Variants in TRIL observed in about 807,000 individuals in gnomAD.
TRIL encodes TLR4 interactor with leucine rich repeats.
A neutral mutation model predicts 43.0 loss-of-function variants in TRIL; 23 were observed. The ratio of observed to expected loss-of-function variants is 0.54; its 90% CI spans 0.39 to 0.76. The LOEUF (loss-of-function observed/expected upper bound fraction) is 0.76. Ranked by LOEUF, TRIL falls within the 30% of genes least tolerant of loss-of-function variation. The pLI, the probability that TRIL is intolerant of heterozygous loss-of-function variation, is 0.00. For synonymous variants in TRIL, 602 were observed against 556.8 expected (o/e 1.08, Z -1.14); for missense variants, 1,114 against 1,139.3 (o/e 0.98, Z 0.32).
In TRIL at chr7:28,955,668, G is replaced by A; in HGVS notation, c.2379C>T (p.Gly793=). Residue 793 remains glycine (G), a synonymous_variant, in exon 1 of 1, where the codon GGC becomes GGT. Coordinates refer to ENST00000539664, the MANE Select transcript of TRIL (RefSeq NM_014817.4). The part of the protein sequence containing the change: ...PCDRFMDSAG[G]GAGGSLRRED... ...CCCGTCTCAGGCTGCCGCCCGCGCC[G>A]CCGCCCGCACTGTCCATGAAGCGGT... is the stretch of plus-strand genomic sequence containing the variant. The A allele has an allele frequency of 1.9e-6, 3 of 1,547,944 alleles. No individual in the cohort carries two copies. Among genetic ancestry groups the A allele is most frequent in the Non-Finnish European group, 2.6e-6 (3 of 1,146,582 alleles).
At position 28,956,797 on chromosome 7, in the gene TRIL, G is replaced by T; in HGVS notation, c.1250C>A (p.Pro417His). 1 of 1,611,574 alleles carries T rather than the reference G, an allele frequency of 6.2e-7. No individual in the cohort carries two copies. The highest frequency in any genetic ancestry group is 8.5e-7 in the Non-Finnish European group (1 of 1,179,366). ...AGCGGTCAGGGAAGCTGAGGGCGAG[G>T]GATCCGCGCAGGATCCATTTTGCAG... ...QQLQNGSCAD[P>H]SPSASLTADR... is the part of the protein sequence containing the mutation. The change falls in exon 1 of 1, where the codon CCC (proline) becomes CAC (histidine). Residue 417 changes from proline (P) to histidine (H), a missense_variant. Pro to His is a moderately conservative substitution (Grantham distance 77). Coordinates refer to ENST00000539664, the MANE Select transcript of TRIL (RefSeq NM_014817.4).
Position 28,957,307 on chromosome 7 carries a change from C to T in TRIL, c.740G>A (p.Arg247His), listed in dbSNP as rs369164887. The change falls in exon 1 of 1, where the codon CGC (arginine) becomes CAC (histidine). Residue 247 changes from arginine to histidine, a missense_variant. Coordinates refer to ENST00000539664, the MANE Select transcript of TRIL (RefSeq NM_014817.4). ...SANNLQHLGP[R>H]IFQHLPRLGL... ...GAGACGTGGCAGGTGCTGGAAGATG[C>T]GCGGCCCGAGGTGCTGCAGGTTGTT... 10 of 1,610,930 alleles carry T rather than the reference C, an allele frequency of 6.2e-6. No homozygotes were observed. The highest frequency in any genetic ancestry group is 8.5e-6 in the Non-Finnish European group (10 of 1,179,174).
chr7:28,957,186 A>G lies in TRIL; in HGVS notation c.861T>C (p.Asn287=), dbSNP rs1562703481. The change falls in exon 1 of 1, where the codon AAT becomes AAC. Residue 287 remains asparagine, a synonymous_variant. Coordinates refer to ENST00000539664, the MANE Select transcript of TRIL (RefSeq NM_014817.4). ...EALRELRLEG[N]RLSQLPTALL... ...GCGCAGTTGGCAGCTGGCTCAGCCG[A>G]TTACCCTCCAGGCGCAGCTCGCGCA... The G allele has an allele frequency of 6.3e-7, 1 of 1,598,752 alleles. No homozygotes were observed. The highest frequency in any genetic ancestry group is 2.2e-5 in the East Asian group (1 of 44,524).
In TRIL at chr7:28,955,978, C is replaced by G; in HGVS notation, c.2069G>C (p.Arg690Pro). 6.4e-7 allele frequency: 1 copy of G among 1,551,480 alleles called. No homozygotes were observed. Among genetic ancestry groups the G allele is most frequent in the Non-Finnish European group, 8.7e-7 (1 of 1,153,000 alleles). Residue 690 changes from arginine (R) to proline (P), a missense_variant, in exon 1 of 1, where the codon CGG becomes CCG. Arg to Pro is a moderately radical substitution (Grantham distance 103, BLOSUM62 -2). Coordinates refer to ENST00000539664, the MANE Select transcript of TRIL (RefSeq NM_014817.4). The stretch of plus-strand genomic sequence containing the variant: ...CAGCAGCTGGTAGTCGACGCCGCCC[C>G]GGCTCCCGGCCTCCGGTAGGGTGAC... ...GLVTLPEAGS[R>P]GGVDYQLLTL...
At position 28,957,960 on chromosome 7, in the gene TRIL, C is replaced by A. The variant is rs1426841359; in HGVS notation, c.87G>T (p.Glu29Asp). 1.9e-6 allele frequency: 3 copies of A among 1,605,842 alleles called. No homozygotes were observed. The highest frequency in any genetic ancestry group is 2.5e-6 in the Non-Finnish European group (3 of 1,179,620). ...LPPLAEPVCP[E>D]RCDCQHPQHL... is the part of the protein sequence containing the mutation. ...GCTGGGGATGCTGGCAGTCGCAGCGCTCCGGGCACACGGGCTCGGCCAGCG... is the reference window on the plus strand; with the variant it reads ...GCTGGGGATGCTGGCAGTCGCAGCGATCCGGGCACACGGGCTCGGCCAGCG... Residue 29 changes from glutamate to aspartate, a missense_variant, in exon 1 of 1, where the codon GAG becomes GAT. Physicochemically the swap from Glu to Asp is conservative, Grantham distance 45. Coordinates refer to ENST00000539664, the MANE Select transcript of TRIL (RefSeq NM_014817.4).
rs2128114566 is a variant in TRIL, at chr7:28,957,664, GC to G, written c.382del (p.Ala128ProfsTer19). ...GAGGATGCGCAGCTTGCGCAGCGGG[GC>G]CAGCGTGCCCGGGGCGAGCGCCTGC... ...LLQALAPGTL[A>X]PLRKLRILYA... is the part of the protein sequence containing the mutation. On this transcript the variant is annotated frameshift_variant, in exon 1 of 1. Coordinates refer to ENST00000539664, the MANE Select transcript of TRIL (RefSeq NM_014817.4). LOFTEE classifies it high-confidence loss of function. The G allele has an allele frequency of 1.2e-6, 2 of 1,609,450 alleles. No individual in the cohort carries two copies. Among genetic ancestry groups the G allele is most frequent in the Admixed American group, 1.7e-5 (1 of 59,180 alleles).
Position 28,953,402 on chromosome 7 carries a change from G to A in TRIL, c.*2209C>T, listed in dbSNP as rs1783352239. On this transcript the variant is annotated 3_prime_UTR_variant, in exon 1 of 1. Transcript: ENST00000539664. The stretch of plus-strand genomic sequence containing the variant: ...TATTGACATAACTGGACATAACAAT[G>A]TATAACATTTATTCATCTCCCACTG... 6.6e-6 allele frequency: 1 copy of A among 152,604 alleles called. No homozygotes were observed. Among genetic ancestry groups the A allele is most frequent in the African/African-American group, 2.4e-5 (1 of 41,438 alleles). The allele number at this position is 152,604 out of a possible 1,614,324, so 9.5% of individuals were successfully genotyped here. A position where few individuals can be genotyped will look rare whatever the true frequency, so the allele number is the denominator to read the frequency against.
rs1393777683 is a variant in TRIL, at chr7:28,957,022, C to T, written c.1025G>A (p.Gly342Glu). The change falls in exon 1 of 1, where the codon GGG becomes GAG. Residue 342 changes from glycine (G) to glutamate (E), a missense_variant. Physicochemically the swap from Gly to Glu is moderately conservative, Grantham distance 98 (BLOSUM62 -2). Coordinates refer to ENST00000539664, the MANE Select transcript of TRIL (RefSeq NM_014817.4). ...GGCTGGGCTGGCGGCGAAGATGTCC[C>T]CGGATAGGGCGCTGAGCGCGTTGTT... The part of the protein sequence containing the change: ...LRNNALSALS[G>E]DIFAASPALY... 4 of 1,581,130 alleles carry T rather than the reference C, an allele frequency of 2.5e-6. No homozygotes were observed. The highest frequency in any genetic ancestry group is 3.6e-5 in the Admixed American group (2 of 56,134).
chr7:28,957,129 C>T lies in TRIL; in HGVS notation c.918G>A (p.Leu306=). ...CGGACAGCTCATTGCCGCTCAGGTC[C>T]AGCGCCTCCAGGCTGTGCAGAGGCT... ...LLEPLHSLEA[L]DLSGNELSAL... is the part of the protein sequence containing the mutation. The change falls in exon 1 of 1, where the codon CTG becomes CTA. Residue 306 remains leucine, a synonymous_variant. Coordinates refer to ENST00000539664, the MANE Select transcript of TRIL (RefSeq NM_014817.4). The T allele has an allele frequency of 6.3e-7, 1 of 1,579,330 alleles. No homozygotes were observed. The highest frequency in any genetic ancestry group is 1.1e-5 in the South Asian group (1 of 87,056).
chr7:28,956,916 C>G lies in TRIL; in HGVS notation c.1131G>C (p.Trp377Cys), dbSNP rs747441308. The change falls in exon 1 of 1, where the codon TGG becomes TGC. Residue 377 changes from tryptophan to cysteine, a missense_variant. Coordinates refer to ENST00000539664, the MANE Select transcript of TRIL (RefSeq NM_014817.4). ...CAGTGAGGAGCCGGCCCTGCGAGTG[C>G]CAGTCGCCCATCCAGCGCTTCAGGC... Reference protein sequence around the residue: ...LRGLKRWMGDWHSQGRLLTVF... With the variant: ...LRGLKRWMGDCHSQGRLLTVF... 3.1e-6 allele frequency: 5 copies of G among 1,606,440 alleles called. No individual in the cohort carries two copies. The South Asian group carries it at 5.5e-5, about 18-fold the overall frequency.
In TRIL at chr7:28,956,348, C is replaced by T. The variant is rs1431523120; in HGVS notation, c.1699G>A (p.Asp567Asn). The change falls in exon 1 of 1, where the codon GAC (aspartate) becomes AAC (asparagine). Residue 567 changes from aspartate (D) to asparagine (N), a missense_variant. By Grantham distance (23) the Asp-to-Asn change is conservative. Transcript: ENST00000539664. The part of the protein sequence containing the change: ...TEHQERAAQS[D>N]GGAGLPPLVS... ...AGCGGCGGCAGCCCGGCCCCACCGTCGGACTGGGCGGCACGCTCCTGGTGC... is the reference window on the plus strand; with the variant it reads ...AGCGGCGGCAGCCCGGCCCCACCGTTGGACTGGGCGGCACGCTCCTGGTGC... 1 of 1,529,990 alleles carries T rather than the reference C, an allele frequency of 6.5e-7. No homozygotes were observed. The highest frequency in any genetic ancestry group is 1.2e-5 in the South Asian group (1 of 83,014). The allele number at this position is 1,529,990 out of a possible 1,614,324, so 94.8% of individuals were successfully genotyped here.
At position 28,955,560 on chromosome 7, in the gene TRIL, C is replaced by G. The variant is rs764393664; in HGVS notation, c.*51G>C. 4.1e-6 allele frequency: 6 copies of G among 1,453,176 alleles called. No individual in the cohort carries two copies. Among genetic ancestry groups the G allele is most frequent in the Non-Finnish European group, 4.5e-6 (5 of 1,103,808 alleles). 90.0% of individuals were successfully genotyped at this position (1,453,176 alleles called of 1,614,324 possible). On this transcript the variant is annotated 3_prime_UTR_variant, in exon 1 of 1. Coordinates refer to ENST00000539664, the MANE Select transcript of TRIL (RefSeq NM_014817.4). ...CCCTGAGGTGGGCTGGTGGGCCTCA[C>G]GGAGAGGCGGCTCCTTAGGGCCAAT...
Position 28,957,505 on chromosome 7 carries a change from A to T in TRIL, c.542T>A (p.Leu181Gln). Residue 181 changes from leucine (L) to glutamine (Q), a missense_variant, in exon 1 of 1, where the codon CTG becomes CAG. Transcript: ENST00000539664. ...GTTGGACTCCAGATGTAGGTAGAGC[A>T]GGTTGCCCAAGGGAGCGAAGACCGC... is the stretch of plus-strand genomic sequence containing the variant. ...PDAVFAPLGN[L>Q]LYLHLESNRI... 1 of 1,613,188 alleles carries T rather than the reference A, an allele frequency of 6.2e-7. No homozygotes were observed. The highest frequency in any genetic ancestry group is 8.5e-7 in the Non-Finnish European group (1 of 1,179,818).
chr7:28,957,852 G>T lies in TRIL; in HGVS notation c.195C>A (p.Ser65Arg). 1 of 1,613,848 alleles carries T rather than the reference G, an allele frequency of 6.2e-7. No homozygotes were observed. The highest frequency in any genetic ancestry group is 8.5e-7 in the Non-Finnish European group (1 of 1,179,810). Reference sequence around the variant, plus strand: ...TGTTGGTTATGAAGTTGCCGCCGAGGCTGTAGGTGAGCACGTCGTGGGGGC... The same window carrying T: ...TGTTGGTTATGAAGTTGCCGCCGAGTCTGTAGGTGAGCACGTCGTGGGGGC... Reference protein sequence around the residue: ...LPSPHDVLTYSLGGNFITNIT... With the variant: ...LPSPHDVLTYRLGGNFITNIT... Residue 65 changes from serine to arginine, a missense_variant, in exon 1 of 1, where the codon AGC (serine) becomes AGA (arginine). By Grantham distance (110) the Ser-to-Arg change is moderately radical. Coordinates refer to ENST00000539664, the MANE Select transcript of TRIL (RefSeq NM_014817.4).
rs1783425697 is a variant in TRIL, at chr7:28,957,516, G to A, written c.531C>T (p.Pro177=). Residue 177 remains proline, a synonymous_variant, in exon 1 of 1, where the codon CCC becomes CCT. Transcript: ENST00000539664. ...GATGTAGGTAGAGCAGGTTGCCCAAGGGAGCGAAGACCGCGTCCGGCAGCG... is the reference window on the plus strand; with the variant it reads ...GATGTAGGTAGAGCAGGTTGCCCAAAGGAGCGAAGACCGCGTCCGGCAGCG... ...LGALPDAVFA[P]LGNLLYLHLE... is the part of the protein sequence containing the mutation. 4 of 1,613,154 alleles carry A rather than the reference G, an allele frequency of 2.5e-6. No individual in the cohort carries two copies. Among genetic ancestry groups the A allele is most frequent in the Non-Finnish European group, 3.4e-6 (4 of 1,179,834 alleles).
rs1364171402 is a variant in TRIL, at chr7:28,956,768, G to T, written c.1279C>A (p.Arg427Ser). 5 of 1,608,800 alleles carry T rather than the reference G, an allele frequency of 3.1e-6. No homozygotes were observed. Among genetic ancestry groups the T allele is most frequent in the Middle Eastern group, 1.6e-4 (1 of 6,076 alleles). The change falls in exon 1 of 1, where the codon CGC becomes AGC. Residue 427 changes from arginine to serine, a missense_variant. Coordinates refer to ENST00000539664, the MANE Select transcript of TRIL (RefSeq NM_014817.4). ...GCCGTGGGTAGGGGCTGCCGCCTGC[G>T]GTCAGCGGTCAGGGAAGCTGAGGGC... is the stretch of plus-strand genomic sequence containing the variant. ...PSPSASLTAD[R>S]RRQPLPTAAG...
chr7:28,955,772 AG>A lies in TRIL; in HGVS notation c.2274del (p.Phe759SerfsTer41). On this transcript the variant is annotated frameshift_variant, in exon 1 of 1. Transcript: ENST00000539664. LOFTEE classifies it high-confidence loss of function. ...LRSMGTGVSADFSGFQSHRPR... is the reference protein window; with the variant it reads ...LRSMGTGVSAXFSGFQSHRPR... ...GGCCGGTGCGACTGGAATCCCGAGA[AG>A]TCGGCGGACACGCCGGTGCCCATGG... The A allele has an allele frequency of 6.5e-7, 1 of 1,550,294 alleles. No homozygotes were observed. The highest frequency in any genetic ancestry group is 8.7e-7 in the Non-Finnish European group (1 of 1,146,858).
Position 28,957,941 on chromosome 7 carries a change from G to A in TRIL, c.106C>T (p.Pro36Ser). 1 of 1,608,654 alleles carries A rather than the reference G, an allele frequency of 6.2e-7. No individual in the cohort carries two copies. The highest frequency in any genetic ancestry group is 8.5e-7 in the Non-Finnish European group (1 of 1,179,754). ...VCPERCDCQH[P>S]QHLLCTNRGL... ...CTGTTGGTGCACAGGAGATGCTGGG[G>A]ATGCTGGCAGTCGCAGCGCTCCGGG... Residue 36 changes from proline to serine, a missense_variant, in exon 1 of 1, where the codon CCC becomes TCC. Coordinates refer to ENST00000539664, the MANE Select transcript of TRIL (RefSeq NM_014817.4).
Position 28,955,947 on chromosome 7 carries a change from C to G in TRIL, c.2100G>C (p.Leu700Phe). 1 of 1,554,456 alleles carries G rather than the reference C, an allele frequency of 6.4e-7. No homozygotes were observed. Residue 700 changes from leucine to phenylalanine, a missense_variant, in exon 1 of 1, where the codon TTG (leucine) becomes TTC (phenylalanine). Transcript: ENST00000539664. ...RGGVDYQLLT[L>F]ALLTVNALLV... is the part of the protein sequence containing the mutation. ...GCAGCGCGTTGACCGTCAGCAGGGC[C>G]AAGGTCAGCAGCTGGTAGTCGACGC...
Sources: allele counts gnomAD v4.1 joint callset, GRCh38; gene constraint gnomAD v4.1.1; transcripts MANE v1.5; gene names NCBI Gene and HGNC (gene_info 2026-07-23, HGNC 2026-07-21).